SUSD5: variants seen among roughly 807,000 people sequenced by gnomAD.
SUSD5 encodes the protein sushi domain containing 5.
SUSD5 carries 33 observed loss-of-function variants against 29.5 expected under a neutral mutation model. The observed-to-expected ratio is 1.12, with a 90% CI of 0.85 to 1.49. The LOEUF is 1.49. Ranked by LOEUF, SUSD5 falls within the 40% of genes most tolerant of loss-of-function variation. SUSD5 has a pLI of 0.00. For missense variants in SUSD5, 776 were observed against 800.6 expected (o/e 0.97, Z 0.37); for synonymous variants, 308 against 325.3 (o/e 0.95, Z 0.57).
intron 4 of SUSD5, among the ~76,000 whole-genome samples, chr3:33,161,882 C>A (rs1345716040): frequency 1.3e-5 from 2 of 152,030 alleles, no homozygotes; most frequent in Non-Finnish European, 2.9e-5. Flanking sequence ...AATCCATGAT[C>A]ATAGTGAGAT....
intron 4 of SUSD5, among the ~76,000 whole-genome samples, chr3:33,162,898 C>T (rs1044212091): frequency 1.7e-5 from 2 of 119,620 alleles, no homozygotes; most frequent in African/African-American, 3.2e-5. Context: ...GCCTGGGCAA[C>T]GAGAGCAAAA....
chr3:33,153,190 G>T lies in SUSD5; in HGVS notation c.1442C>A (p.Ser481Tyr). The change falls in exon 5 of 5, where the codon TCT becomes TAT. Residue 481 changes from serine (S) to tyrosine (Y), a missense_variant. Coordinates refer to ENST00000309558, the MANE Select transcript of SUSD5 (RefSeq NM_015551.2). ...CTCATAGGACAGGGTGGCCATGGGA[G>T]ATTCCTCTGTGATGAATCTCCAGGG... ...TLPWRFITEESPMATLSYELT... is the reference protein window; with the variant it reads ...TLPWRFITEEYPMATLSYELT... 1 of 1,613,824 alleles carries T rather than the reference G, an allele frequency of 6.2e-7. No homozygotes were observed. Among genetic ancestry groups the T allele is most frequent in the Non-Finnish European group, 8.5e-7 (1 of 1,179,858 alleles).
chr3:33,214,604 T>C (rs56985929), intron 1 of SUSD5, among the ~76,000 whole-genome samples: 30,634 of 152,012 alleles, frequency 0.2, 3,168 homozygotes, highest in Middle Eastern at 0.3. Context: ...TAAATTCATT[T>C]GTGTCTGCTG....
intron 4 of SUSD5, among the ~76,000 whole-genome samples, chr3:33,169,088 G>T (rs1372379537): frequency 6.6e-6 from 1 of 151,118 alleles, no homozygotes; most frequent in East Asian, 1.9e-4. Context: ...ACTTGTGAAA[G>T]ATTAAATGAG....
intron 4 of SUSD5, among the ~76,000 whole-genome samples, chr3:33,170,516 C>T (rs1442620607): frequency 5.3e-5 from 8 of 152,202 alleles, no homozygotes. Context: ...GACTGCATCC[C>T]CACCACTTAA....
At chr3:33,195,352 G>T (rs546517504) in intron 3 of SUSD5, among the ~76,000 whole-genome samples, 6 of 152,146 alleles carry the variant, frequency 3.9e-5, no homozygotes, top group Non-Finnish European at 8.8e-5. Context: ...CAATTAATCA[G>T]TGATGTGCTG....
At chr3:33,197,313 G>C (rs1052713840) in intron 3 of SUSD5, among the ~76,000 whole-genome samples, 5 of 152,128 alleles carry the variant, frequency 3.3e-5, no homozygotes, top group African/African-American at 1.2e-4. Context: ...CATCTGAATA[G>C]AGAGAATGAT....
intron 2 of SUSD5, 62 bp from the exon 3 acceptor site, chr3:33,207,988 A>G (rs892382759): frequency 1.6e-6 from 2 of 1,257,626 alleles, no homozygotes; most frequent in Non-Finnish European, 2.3e-6. Flanking sequence ...ATAAGGAATA[A>G]TTCTCTTCTG....
At chr3:33,185,056 G>A (rs558767342) in intron 3 of SUSD5, among the ~76,000 whole-genome samples, 15 of 152,222 alleles carry the variant, frequency 9.9e-5, no homozygotes, top group Admixed American at 3.9e-4. Flanking sequence ...GTGGAGGGGA[G>A]AGGAAGTGTT....
rs768846322 is a variant in SUSD5, at chr3:33,153,183, C to T, written c.1449G>A (p.Met483Ile). 2.5e-6 allele frequency: 4 copies of T among 1,613,620 alleles called. No individual in the cohort carries two copies. The highest frequency in any genetic ancestry group is 1.7e-6 in the Non-Finnish European group (2 of 1,179,826). The change falls in exon 5 of 5, where the codon ATG (methionine) becomes ATA (isoleucine). Residue 483 changes from methionine to isoleucine, a missense_variant. Physicochemically the swap from Met to Ile is conservative, Grantham distance 10. Transcript: ENST00000309558. ...TGGTGAGCTCATAGGACAGGGTGGC[C>T]ATGGGAGATTCCTCTGTGATGAATC... is the stretch of plus-strand genomic sequence containing the variant. Reference protein sequence around the residue: ...PWRFITEESPMATLSYELTSS... With the variant: ...PWRFITEESPIATLSYELTSS...
chr3:33,217,221 AAAGATT>A (rs2032441159), intron 1 of SUSD5, among the ~76,000 whole-genome samples: 1 of 152,240 alleles, frequency 6.6e-6, no homozygotes, highest in Non-Finnish European at 1.5e-5. Flanking sequence ...TATCTTGTTC[AAAGATT>A]AATATTAGCT....
intron 3 of SUSD5, among the ~76,000 whole-genome samples, chr3:33,194,607 T>C (rs1468766927): frequency 6.6e-6 from 1 of 152,122 alleles, no homozygotes. Flanking sequence ...AAGGGCAGGC[T>C]GAGAAATGGC....
chr3:33,168,432 C>T, intron 4 of SUSD5: 1 of 843,690 alleles, frequency 1.2e-6, no homozygotes, highest in Non-Finnish European at 1.4e-6. Context: ...GAAATTAAGT[C>T]TAAAAGATGG....
intron 3 of SUSD5, among the ~76,000 whole-genome samples, chr3:33,190,672 G>A (rs2031872397): frequency 6.6e-6 from 1 of 152,180 alleles, no homozygotes; most frequent in Admixed American, 6.5e-5. Flanking sequence ...TTGGCATGCT[G>A]ATTACTTCAA....
chr3:33,188,620 G>A (rs762424350), intron 3 of SUSD5, among the ~76,000 whole-genome samples: 2 of 152,152 alleles, frequency 1.3e-5, no homozygotes, highest in Non-Finnish European at 2.9e-5. Context: ...ACCACCCTTG[G>A]AGAACTGCTG....
intron 3 of SUSD5, among the ~76,000 whole-genome samples, chr3:33,175,576 T>TAC (rs796445118): frequency 4.2e-4 from 63 of 151,408 alleles, no homozygotes; most frequent in East Asian, 2.5e-3. Flanking sequence ...TATATATATA[T>TAC]ACACACACAC....
Position 33,210,461 on chromosome 3 carries a change from C to T in SUSD5, c.291-2535G>A, listed in dbSNP as rs1332139129. On this transcript the variant is annotated intron_variant, in intron 2 of 4. Coordinates refer to ENST00000309558, the MANE Select transcript of SUSD5 (RefSeq NM_015551.2). ...ACTGCTATTCAGCTTTTTAGCCACA[C>T]TTTATGGAATCTGCAAAGGTTTCCA... 6.6e-5 allele frequency among the ~76,000 whole-genome samples: 10 copies of T among 152,242 alleles called. 1 individual carries two copies. The highest frequency in any genetic ancestry group is 6.5e-4 in the Admixed American group (10 of 15,290).
At chr3:33,180,361 T>C (rs2125622714) in intron 3 of SUSD5, among the ~76,000 whole-genome samples, 1 of 147,046 alleles carries the variant, frequency 6.8e-6, no homozygotes, top group East Asian at 2.1e-4. Flanking sequence ...GTTTAAAAAG[T>C]TAAAAAAAAA....
chr3:33,203,920 GTTGT>G (rs1425380600), intron 3 of SUSD5, among the ~76,000 whole-genome samples: 2 of 152,042 alleles, frequency 1.3e-5, no homozygotes, highest in African/African-American at 4.8e-5. Context: ...TGTTGCTGTT[GTTGT>G]TTGAGAGAGA....
Sources: gnomAD v4.1 joint callset for allele counts (sites outside exome capture counted in the v4.1 genomes callset) on GRCh38, gnomAD v4.1.1 for gene constraint, MANE v1.5 for transcripts, NCBI Gene and HGNC (gene_info 2026-07-23, HGNC 2026-07-21) for gene names.